ASIC2: variants seen among roughly 807,000 people sequenced by gnomAD.
ASIC2 encodes acid sensing ion channel subunit 2, also known as acid-sensing ion channel 2.
In ASIC2, 25 loss-of-function variants were observed where a neutral mutation model predicts 57.3. That is an observed-to-expected ratio of 0.44 (90% CI 0.32 to 0.61). The LOEUF is 0.61. Ranked by LOEUF, ASIC2 falls within the 20% of genes least tolerant of loss-of-function variation. The pLI is 0.06. For missense variants in ASIC2, 641 were observed against 738.1 expected (o/e 0.87, Z 1.52); for synonymous variants, 319 against 307.5 (o/e 1.04, Z -0.39).
intron 1 of ASIC2, among the ~76,000 whole-genome samples, chr17:33,961,533 A>G (rs1321796393): frequency 1.3e-5 from 2 of 152,192 alleles, no homozygotes; most frequent in African/African-American, 2.4e-5. Flanking sequence ...GGTGCTCCTC[A>G]AACAAGGTGC....
chr17:33,615,346 T>TA (rs891282624), intron 1 of ASIC2, among the ~76,000 whole-genome samples: 4 of 152,192 alleles, frequency 2.6e-5, no homozygotes, highest in African/African-American at 7.2e-5. Flanking sequence ...GTTATTATTT[T>TA]AAAAAATCTA....
chr17:33,061,373 G>A (rs1386144688), intron 3 of ASIC2, among the ~76,000 whole-genome samples: 1 of 152,118 alleles, frequency 6.6e-6, no homozygotes, highest in African/African-American at 2.4e-5. Flanking sequence ...TGGCATGAAG[G>A]GCTGTTGAAT....
chr17:34,103,643 G>A (rs1910942911), intron 1 of ASIC2, among the ~76,000 whole-genome samples: 1 of 151,792 alleles, frequency 6.6e-6, no homozygotes, highest in South Asian at 2.1e-4. Flanking sequence ...GTGGTGTGAG[G>A]TCAGAGATTG....
At chr17:33,862,577 T>C (rs1490561099) in intron 1 of ASIC2, among the ~76,000 whole-genome samples, 2 of 152,184 alleles carry the variant, frequency 1.3e-5, no homozygotes, top group African/African-American at 2.4e-5. Flanking sequence ...GTAAAATAGC[T>C]AGTCAATGGC....
chr17:33,117,658 T>C (rs1023480036), intron 1 of ASIC2, among the ~76,000 whole-genome samples: 7 of 152,216 alleles, frequency 4.6e-5, no homozygotes, highest in African/African-American at 1.7e-4. Flanking sequence ...TAAAGGCAGC[T>C]CACTGACAGC....
chr17:34,011,085 G>GAACACACACA (rs1906733193), intron 1 of ASIC2, among the ~76,000 whole-genome samples: 2 of 36,960 alleles, frequency 5.4e-5, no homozygotes, highest in Admixed American at 3.0e-4. Flanking sequence ...GCAGACACAT[G>GAACACACACA]CACACACACA....
intron 1 of ASIC2, among the ~76,000 whole-genome samples, chr17:33,419,877 A>G (rs1025525657): frequency 2.6e-5 from 4 of 152,192 alleles, no homozygotes; most frequent in African/African-American, 9.7e-5. Flanking sequence ...AGGAAAAAAA[A>G]AACTACAGAC....
intron 1 of ASIC2, among the ~76,000 whole-genome samples, chr17:33,368,040 GAT>G (rs1190735804): frequency 6.6e-6 from 1 of 152,112 alleles, no homozygotes; most frequent in Non-Finnish European, 1.5e-5. Flanking sequence ...TGGACTCATG[GAT>G]ATGTATCCCA....
At chr17:33,015,937 G>A in intron 9 of ASIC2, 34 bp downstream of exon 9, 1 of 1,611,786 alleles carries the variant, frequency 6.2e-7, no homozygotes, top group Non-Finnish European at 8.5e-7. Context: ...AGCCAGAGCA[G>A]CAGAACAACT....
intron 1 of ASIC2, among the ~76,000 whole-genome samples, chr17:33,652,635 C>G (rs1042505982): frequency 6.6e-6 from 1 of 152,212 alleles, no homozygotes; most frequent in Non-Finnish European, 1.5e-5. Flanking sequence ...CTGCTATTTG[C>G]TTTCCTGCTG....
At chr17:33,813,225 C>A (rs1188973591) in intron 1 of ASIC2, among the ~76,000 whole-genome samples, 1 of 151,988 alleles carries the variant, frequency 6.6e-6, no homozygotes, top group Non-Finnish European at 1.5e-5. Flanking sequence ...AGCAAAGAGC[C>A]CAGACTAGGG....
intron 1 of ASIC2, among the ~76,000 whole-genome samples, chr17:33,373,436 G>A (rs906130599): frequency 6.6e-6 from 1 of 152,346 alleles, no homozygotes; most frequent in Non-Finnish European, 1.5e-5. Context: ...GTTAAACAAG[G>A]ATGATAATAG....
intron 1 of ASIC2, among the ~76,000 whole-genome samples, chr17:33,709,644 C>T (rs1187371050): frequency 6.6e-6 from 1 of 152,150 alleles, no homozygotes; most frequent in African/African-American, 2.4e-5. Context: ...CTGACTAGGA[C>T]AGTTGTGTTC....
At chr17:34,097,436 C>A (rs1167675998) in intron 1 of ASIC2, among the ~76,000 whole-genome samples, 3 of 152,070 alleles carry the variant, frequency 2.0e-5, no homozygotes, top group African/African-American at 7.2e-5. Context: ...TCCCCCAAAA[C>A]AGACAGGTTG....
At chr17:33,917,513 A>G (rs1915609159) in intron 1 of ASIC2, among the ~76,000 whole-genome samples, 1 of 151,978 alleles carries the variant, frequency 6.6e-6, no homozygotes. Context: ...CACCATACCC[A>G]TTCTCTTCCC....
chr17:33,990,070 A>G (rs561947349), intron 1 of ASIC2, among the ~76,000 whole-genome samples: 1 of 152,268 alleles, frequency 6.6e-6, no homozygotes, highest in Non-Finnish European at 1.5e-5. Context: ...CAAAAGAATG[A>G]GAGAAGAAGG....
At chr17:33,936,470 C>G (rs1421449760) in intron 1 of ASIC2, 1 of 152,194 alleles carries the variant, frequency 6.6e-6, no homozygotes, top group Non-Finnish European at 1.5e-5. Flanking sequence ...GAGGTCGGCA[C>G]TGGAAGAGCC....
At chr17:33,722,102 CAT>C (rs567249709) in intron 1 of ASIC2, among the ~76,000 whole-genome samples, 28 of 152,214 alleles carry the variant, frequency 1.8e-4, no homozygotes, top group South Asian at 2.1e-4. Context: ...TAATAATCCA[CAT>C]GTGTCTGTGA....
At chr17:33,983,767 C>G (rs868803101) in intron 1 of ASIC2, among the ~76,000 whole-genome samples, 1 of 152,176 alleles carries the variant, frequency 6.6e-6, no homozygotes, top group African/African-American at 2.4e-5. Flanking sequence ...TCCTAGCAGT[C>G]ATTTGTACAA....
Sources: gnomAD v4.1 joint callset for allele counts (sites outside exome capture counted in the v4.1 genomes callset) on GRCh38, gnomAD v4.1.1 for gene constraint, MANE v1.5 for transcripts, NCBI Gene and HGNC (gene_info 2026-07-23, HGNC 2026-07-21) for gene names.